The following TBL3 variants were observed in gnomAD, a reference collection of about 807,000 sequenced individuals.
TBL3 encodes the protein transducin beta like 3.
In TBL3, 71 loss-of-function variants were observed where a neutral mutation model predicts 102.7. That is an observed-to-expected ratio of 0.69 (90% CI 0.57 to 0.84). The LOEUF (loss-of-function observed/expected upper bound fraction) is 0.84. TBL3 is among the 40% of genes least tolerant of loss of function. The pLI is 0.00. For synonymous variants in TBL3, 578 were observed against 477.7 expected, an observed-to-expected ratio of 1.21 and a Z score of -2.74; for missense variants, 1,188 against 1,098.5, an observed-to-expected ratio of 1.08 and a Z score of -1.15.
chr16:1,979,411 C>G lies in TBL3; in HGVS notation c.*726C>G. The G allele has an allele frequency of 3.7e-6, 6 of 1,604,086 alleles. No homozygotes were observed. The highest frequency in any genetic ancestry group is 1.1e-5 in the South Asian group (1 of 90,690). ...CTCGGCTAGCCTGCCCTGCCCACGC[C>G]CGCTCCCGCGTACCTGCATAGCCAC... On this transcript the variant is annotated 3_prime_UTR_variant, in exon 22 of 22. Transcript: ENST00000568546.
intron 1 of TBL3, 67 bp from the exon 2 acceptor site, chr16:1,973,989 G>A (rs1007561042): frequency 7.6e-5 from 111 of 1,457,454 alleles, no homozygotes; most frequent in Non-Finnish European, 1.0e-4. Flanking sequence ...GGAGCACCTA[G>A]CACAGGGCGG....
chr16:1,977,421 G>A lies in TBL3; in HGVS notation c.1737G>A (p.Leu579=). 5 of 1,612,740 alleles carry A rather than the reference G, an allele frequency of 3.1e-6. No individual in the cohort carries two copies. Among genetic ancestry groups the A allele is most frequent in the Non-Finnish European group, 4.2e-6 (5 of 1,179,964 alleles). ...TTGTGAGCCGTGGCACGCAGCTGCT[G>A]TCCAGGTGAGTGGGCTGGGGTGGGG... The part of the protein sequence containing the change: ...VAFVSRGTQL[L]SSGSDGLVKL... The change falls in exon 16 of 22, where the codon CTG becomes CTA. Residue 579 remains leucine (L), a synonymous_variant. Transcript: ENST00000568546.
rs745397449 is a variant in TBL3, at chr16:1,979,396, C to T, written c.*711C>T. The T allele has an allele frequency of 2.5e-6, 4 of 1,600,434 alleles. No homozygotes were observed. The highest frequency in any genetic ancestry group is 3.4e-6 in the Non-Finnish European group (4 of 1,177,222). On this transcript the variant is annotated 3_prime_UTR_variant, in exon 22 of 22. Transcript: ENST00000568546. ...TAGGGCCCCGCCCGCCTCGGCTAGC[C>T]TGCCCTGCCCACGCCCGCTCCCGCG...
intron 19 of TBL3, 21 bp downstream of exon 19, chr16:1,978,082 G>A (rs755445840): frequency 6.2e-7 from 1 of 1,605,496 alleles, no homozygotes; most frequent in Non-Finnish European, 8.5e-7. Flanking sequence ...ACCCCGGGGG[G>A]CGAGGGGCTG....
chr16:1,973,916 C>G, intron 1 of TBL3, 140 bp from the exon 2 acceptor site: 1 of 871,220 alleles, frequency 1.1e-6, no homozygotes, highest in Non-Finnish European at 1.6e-6. Flanking sequence ...GGTTCCACCC[C>G]ATGCCCTGTC....
chr16:1,978,621 T>C lies in TBL3; in HGVS notation c.2363T>C (p.Met788Thr). Reference sequence around the variant, plus strand: ...TTCTTGGACTTCCTGTGGCACAACATGAAGCTCCCTGTGCCGGCCGCCGCC... The same window carrying C: ...TTCTTGGACTTCCTGTGGCACAACACGAAGCTCCCTGTGCCGGCCGCCGCC... ...AAFLDFLWHNMKLPVPAAAPT... is the reference protein window; with the variant it reads ...AAFLDFLWHNTKLPVPAAAPT... The change falls in exon 22 of 22, where the codon ATG (methionine) becomes ACG (threonine). Residue 788 changes from methionine (M) to threonine (T), a missense_variant. By Grantham distance (81) the Met-to-Thr change is moderately conservative. Coordinates refer to ENST00000568546, the MANE Select transcript of TBL3 (RefSeq NM_006453.3). 2.5e-6 allele frequency: 4 copies of C among 1,612,714 alleles called. No individual in the cohort carries two copies. The highest frequency in any genetic ancestry group is 3.4e-6 in the Non-Finnish European group (4 of 1,179,868).
rs1467230770 is a variant in TBL3 at position 1,975,730 on chromosome 16, C to G, written c.987+20C>G. The G allele has an allele frequency of 1.9e-6, 3 of 1,612,384 alleles. No homozygotes were observed. Among genetic ancestry groups the G allele is most frequent in the Non-Finnish European group, 2.5e-6 (3 of 1,179,200 alleles). On this transcript the variant is annotated intron_variant, in intron 10 of 21. Coordinates refer to ENST00000568546, the MANE Select transcript of TBL3 (RefSeq NM_006453.3). Reference sequence around the variant, plus strand: ...AAACAGGTGCACACCTGCCCTTGCTCAGTCTGGAGGCTGCGGGCACCAGCC... The same window carrying G: ...AAACAGGTGCACACCTGCCCTTGCTGAGTCTGGAGGCTGCGGGCACCAGCC...
chr16:1,977,188 G>C lies in TBL3; in HGVS notation c.1575G>C (p.Trp525Cys). 1.2e-6 allele frequency: 2 copies of C among 1,613,070 alleles called. No individual in the cohort carries two copies. The highest frequency in any genetic ancestry group is 1.7e-6 in the Non-Finnish European group (2 of 1,179,990). Residue 525 changes from tryptophan to cysteine, a missense_variant, in exon 15 of 22, where the codon TGG (tryptophan) becomes TGC (cysteine). Trp to Cys is a radical substitution (Grantham distance 215). Transcript: ENST00000568546. Reference sequence around the variant, plus strand: ...TCTCAGGCCACCGGCGTGGCCTCTGGTGCGTCCAGTTCTCTCCCATGGACC... The same window carrying C: ...TCTCAGGCCACCGGCGTGGCCTCTGCTGCGTCCAGTTCTCTCCCATGGACC... ...GVFSGHRRGL[W>C]CVQFSPMDQV...
At position 1,974,096 on chromosome 16, in the gene TBL3, G is replaced by A. The variant is rs777970940; in HGVS notation, c.82G>A (p.Gly28Arg). The A allele has an allele frequency of 8.8e-6, 14 of 1,585,200 alleles. No individual in the cohort carries two copies. The highest frequency in any genetic ancestry group is 6.7e-5 in the South Asian group (6 of 89,106). Reference protein sequence around the residue: ...ERKIEPFYKGGKAQLDQTGQH... With the variant: ...ERKIEPFYKGRKAQLDQTGQH... ...CAAAATTGAGCCTTTCTACAAGGGC[G>A]GAAAAGCACAGGTACCAGCCTGGGG... The change falls in exon 2 of 22, where the codon GGA (glycine) becomes AGA (arginine). Residue 28 changes from glycine (G) to arginine (R), a missense_variant. Coordinates refer to ENST00000568546, the MANE Select transcript of TBL3 (RefSeq NM_006453.3).
Position 1,974,827 on chromosome 16 carries a change from A to G in TBL3, c.444A>G (p.Arg148=). The part of the protein sequence containing the change: ...IVRHYGTHHF[R]GSPGVVHLVA... ...GGCACTACGGGACACACCACTTCCGAGGCTCGCCCGGTGTCGTGCAGTGAG... is the reference window on the plus strand; with the variant it reads ...GGCACTACGGGACACACCACTTCCGGGGCTCGCCCGGTGTCGTGCAGTGAG... The change falls in exon 6 of 22, where the codon CGA becomes CGG. Residue 148 remains arginine (R), a synonymous_variant. Transcript: ENST00000568546. The G allele has an allele frequency of 1.2e-6, 2 of 1,613,204 alleles. No homozygotes were observed. Among genetic ancestry groups the G allele is most frequent in the Non-Finnish European group, 1.7e-6 (2 of 1,179,956 alleles).
In TBL3 at chr16:1,978,134, T is replaced by C; in HGVS notation, c.2063-15T>C. 1 of 1,612,378 alleles carries C rather than the reference T, an allele frequency of 6.2e-7. No individual in the cohort carries two copies. Among genetic ancestry groups the C allele is most frequent in the Non-Finnish European group, 8.5e-7 (1 of 1,179,654 alleles). On this transcript the variant is annotated splice_polypyrimidine_tract_variant and intron_variant, in intron 19 of 21. Coordinates refer to ENST00000568546, the MANE Select transcript of TBL3 (RefSeq NM_006453.3). ...GGCTCTGCTTTCCCCAGCTCAGCCT[T>C]CCCTTCTCCCACAGCCATCCGGAGG...
intron 13 of TBL3, 37 bp downstream of exon 13, chr16:1,976,351 G>C (rs1220837276): frequency 6.3e-7 from 1 of 1,574,886 alleles, no homozygotes; most frequent in Non-Finnish European, 8.7e-7. Flanking sequence ...GTGTCAGGGA[G>C]GTGGAGGCCC....
rs1157843867 is a variant in TBL3 at position 1,974,770 on chromosome 16, T to C, written c.387T>C (p.Cys129=). The change falls in exon 6 of 22, where the codon TGT becomes TGC. Residue 129 remains cysteine (C), a synonymous_variant. Transcript: ENST00000568546. ...CACCTTGCTTCCCCGCAGGTGGCTG[T>C]GATGGGGCCGTGCGCGTCTGGGACA... is the stretch of plus-strand genomic sequence containing the variant. ...PTSTLLATGG[C]DGAVRVWDIV... 6.2e-7 allele frequency: 1 copy of C among 1,612,852 alleles called. No homozygotes were observed. The highest frequency in any genetic ancestry group is 8.5e-7 in the Non-Finnish European group (1 of 1,179,958).
rs370556901 is a variant in TBL3 at position 1,977,447 on chromosome 16, C to T, written c.1742+21C>T. On this transcript the variant is annotated intron_variant, in intron 16 of 21. Transcript: ENST00000568546. ...TCCAGGTGAGTGGGCTGGGGTGGGG[C>T]AGCGATGGAGTGGGGGGTGGCGGGG... The T allele has an allele frequency of 1.1e-5, 17 of 1,608,814 alleles. No individual in the cohort carries two copies. In the African/African-American group the frequency reaches 1.6e-4, roughly 15 times the overall value.
chr16:1,978,101 G>A, intron 19 of TBL3, 40 bp downstream of exon 19: 3 of 1,609,670 alleles, frequency 1.9e-6, no homozygotes, highest in Middle Eastern at 1.7e-4. Context: ...TGGGTCTTCG[G>A]ACCACTGGGC....
In TBL3 at chr16:1,978,323, G is replaced by A. The variant is rs769492201; in HGVS notation, c.2145G>A (p.Leu715=). 1.2e-6 allele frequency: 2 copies of A among 1,610,062 alleles called. No homozygotes were observed. The highest frequency in any genetic ancestry group is 1.1e-5 in the South Asian group (1 of 90,752). The change falls in exon 21 of 22, where the codon CTG becomes CTA. Residue 715 remains leucine (L), a synonymous_variant. Transcript: ENST00000568546. ...TCCTGTTGCCCACAGAGGCCCTGCT[G>A]CGCTTCTGCGTCACGTGGAACACCA... The part of the protein sequence containing the change: ...RLRRDQKEAL[L]RFCVTWNTNS...
At position 1,978,783 on chromosome 16, in the gene TBL3, C is replaced by T. The variant is rs2150886225; in HGVS notation, c.*98C>T. ...GTCTCTCTGGACTGCAGTCCAGCCC[C>T]CCACCCTGGCCAACACCCTACCTAG... On this transcript the variant is annotated 3_prime_UTR_variant, in exon 22 of 22. Transcript: ENST00000568546. The T allele has an allele frequency of 2.1e-6, 3 of 1,441,238 alleles. No homozygotes were observed. The highest frequency in any genetic ancestry group is 2.3e-5 in the East Asian group (1 of 43,488). The allele number at this position is 1,441,238 out of a possible 1,614,324, so 89.3% of individuals were successfully genotyped here.
At position 1,980,758 on chromosome 16, in the gene TBL3, C is replaced by T; in HGVS notation, c.*2073C>T. 1 of 1,571,540 alleles carries T rather than the reference C, an allele frequency of 6.4e-7. No homozygotes were observed. Among genetic ancestry groups the T allele is most frequent in the South Asian group, 1.2e-5 (1 of 86,898 alleles). On this transcript the variant is annotated 3_prime_UTR_variant, in exon 22 of 22. Transcript: ENST00000568546. The stretch of plus-strand genomic sequence containing the variant: ...TGAGGGCGGGAACCAGGGCATTGGT[C>T]TTCCAGAGCCCACTGTGCACCCTTG...
intron 9 of TBL3, 29 bp from the exon 10 acceptor site, chr16:1,975,500 T>C: frequency 6.2e-7 from 1 of 1,600,906 alleles, no homozygotes; most frequent in Non-Finnish European, 8.5e-7. Flanking sequence ...GACCTGAGAG[T>C]CTCAGCAGCC....
Sources: gnomAD v4.1 joint callset for allele counts on GRCh38, gnomAD v4.1.1 for gene constraint, MANE v1.5 for transcripts, NCBI Gene and HGNC (gene_info 2026-07-23, HGNC 2026-07-21) for gene names.